The following PIAS2 variants were observed in gnomAD, a reference collection of about 807,000 sequenced individuals.
The protein encoded by PIAS2 is E3 SUMO-protein ligase PIAS2.
PIAS2 carries 19 observed loss-of-function variants against 69.7 expected under a neutral mutation model. The observed-to-expected ratio is 0.27, with a 90% confidence interval of 0.19 to 0.40. The LOEUF is 0.40. Ranked by LOEUF, PIAS2 falls within the 10% of genes least tolerant of loss-of-function variation. The pLI is 1.00. For synonymous variants in PIAS2, 261 were observed against 263.2 expected (o/e 0.99, Z 0.08); for missense variants, 624 against 757.0 (o/e 0.82, Z 2.06).
chr18:46,807,515 C>T lies in PIAS2; in HGVS notation c.*4918G>A, dbSNP rs972423651. 1.3e-5 allele frequency: 2 copies of T among 148,260 alleles called. No homozygotes were observed. The highest frequency in any genetic ancestry group is 5.0e-5 in the African/African-American group (2 of 39,830). The allele number at this position is 148,260 out of a possible 1,614,324, so 9.2% of individuals were successfully genotyped here. On this transcript the variant is annotated 3_prime_UTR_variant, in exon 14 of 14. Transcript: ENST00000585916. ...CAAGCGATTCTCCTGCCTCGGTCTC[C>T]CAAGTAGCTGGGACTACAGGCGCCT...
intron 9 of PIAS2, among the ~76,000 whole-genome samples, chr18:46,831,016 A>C (rs1172315893): frequency 6.6e-6 from 1 of 152,218 alleles, no homozygotes; most frequent in African/African-American, 2.4e-5. Flanking sequence ...TTTAATATCC[A>C]AAAGTCAATC....
At chr18:46,829,936 T>C (rs2043354773) in intron 9 of PIAS2, 69 bp from the exon 10 acceptor site, 1 of 1,367,386 alleles carries the variant, frequency 7.3e-7, no homozygotes, top group Admixed American at 2.1e-5. Context: ...AAGAAAGTAA[T>C]ACACATTACC....
chr18:46,894,482 G>A (rs896356609), intron 1 of PIAS2, among the ~76,000 whole-genome samples: 15 of 152,074 alleles, frequency 9.9e-5, no homozygotes, highest in Non-Finnish European at 1.6e-4. Context: ...ACTCCACTGC[G>A]CTAACTCTCA....
Position 46,917,403 on chromosome 18 carries a change from A to G in PIAS2, c.-58T>C, listed in dbSNP as rs2058103928. The G allele has an allele frequency of 1.4e-6, 2 of 1,421,988 alleles. No homozygotes were observed. Among genetic ancestry groups the G allele is most frequent in the Non-Finnish European group, 1.8e-6 (2 of 1,081,636 alleles). The allele number at this position is 1,421,988 out of a possible 1,614,324, so 88.1% of individuals were successfully genotyped here. On this transcript the variant is annotated 5_prime_UTR_variant, in exon 1 of 14. Coordinates refer to ENST00000585916, the MANE Select transcript of PIAS2 (RefSeq NM_004671.5). The stretch of plus-strand genomic sequence containing the variant: ...CGCCGCACCCACTCCCGCTGCCGCC[A>G]ACGACGCTGCCGCCACCACGGCCGC...
chr18:46,898,753 G>T lies in PIAS2; in HGVS notation c.25-7699C>A, dbSNP rs188088551. Among the ~76,000 whole-genome samples, 7 of 152,212 alleles carry T rather than the reference G, an allele frequency of 4.6e-5. No homozygotes were observed. In the South Asian group the frequency reaches 1.0e-3, roughly 23 times the overall value. ...TCACGCCTCTAATCTCAACACTTTGGGGGGCTGAGGCAGGTGGATCACCTG... is the reference window on the plus strand; with the variant it reads ...TCACGCCTCTAATCTCAACACTTTGTGGGGCTGAGGCAGGTGGATCACCTG... On this transcript the variant is annotated intron_variant, in intron 1 of 13. Transcript: ENST00000585916.
intron 5 of PIAS2, among the ~76,000 whole-genome samples, chr18:46,852,269 C>G (rs1345384397): frequency 6.6e-6 from 1 of 152,172 alleles, no homozygotes; most frequent in East Asian, 1.9e-4. Context: ...GTCAGCTGTT[C>G]TATAGGACTT....
At chr18:46,910,380 C>G (rs1176563137) in intron 1 of PIAS2, among the ~76,000 whole-genome samples, 1 of 152,042 alleles carries the variant, frequency 6.6e-6, no homozygotes, top group Non-Finnish European at 1.5e-5. Flanking sequence ...TTACATACGC[C>G]TTACCTGTTA....
chr18:46,825,083 C>T (rs1209440679), intron 11 of PIAS2, among the ~76,000 whole-genome samples: 2 of 151,952 alleles, frequency 1.3e-5, no homozygotes, highest in Non-Finnish European at 1.5e-5. Flanking sequence ...TTCTCATTCT[C>T]TGTTCTTTCT....
chr18:46,827,880 C>T (rs1472900162), intron 11 of PIAS2, 79 bp downstream of exon 11: 7 of 1,252,802 alleles, frequency 5.6e-6, no homozygotes, highest in Non-Finnish European at 7.8e-6. Flanking sequence ...TGCCATTTCC[C>T]AAAGAGACAT....
intron 2 of PIAS2, among the ~76,000 whole-genome samples, chr18:46,882,234 C>A (rs2145870338): frequency 6.6e-6 from 1 of 152,150 alleles, no homozygotes; most frequent in Non-Finnish European, 1.5e-5. Context: ...ATGTGCATAT[C>A]ATTTGAATAC....
upstream of PIAS2, chr18:46,917,542 A>G: frequency 8.8e-7 from 1 of 1,137,104 alleles, no homozygotes; most frequent in Non-Finnish European, 1.1e-6. Flanking sequence ...GACGCGCCGA[A>G]GCCCCGCCCC....
chr18:46,896,992 A>T (rs2054990802), intron 1 of PIAS2, among the ~76,000 whole-genome samples: 1 of 152,228 alleles, frequency 6.6e-6, no homozygotes, highest in Non-Finnish European at 1.5e-5. Context: ...CATATATGAC[A>T]AAAGACTGGA....
chr18:46,873,020 C>T (rs2050608365), intron 2 of PIAS2, among the ~76,000 whole-genome samples: 1 of 152,212 alleles, frequency 6.6e-6, no homozygotes, highest in Non-Finnish European at 1.5e-5. Flanking sequence ...GGGCCACTGA[C>T]AACCTGTGGC....
chr18:46,843,307 CA>C (rs1371529309), intron 8 of PIAS2, among the ~76,000 whole-genome samples: 1 of 152,202 alleles, frequency 6.6e-6, no homozygotes, highest in Admixed American at 6.5e-5. Flanking sequence ...GGGTAGTCAT[CA>C]AATACCCACA....
intron 5 of PIAS2, among the ~76,000 whole-genome samples, chr18:46,848,867 AAAC>A (rs1258985153): frequency 6.6e-6 from 1 of 151,914 alleles, no homozygotes; most frequent in Non-Finnish European, 1.5e-5. Flanking sequence ...AGAAAAAAAA[AAAC>A]AACTCCTAAG....
At chr18:46,919,505 C>T (rs1199455959), upstream of PIAS2, among the ~76,000 whole-genome samples, 3 of 150,984 alleles carry the variant, frequency 2.0e-5, no homozygotes, top group South Asian at 2.1e-4. Flanking sequence ...AAAAATTAGC[C>T]GGGTGTGGTG....
intron 11 of PIAS2, chr18:46,827,623 C>T (rs1398416754): frequency 5.3e-6 from 1 of 189,570 alleles, no homozygotes; most frequent in Non-Finnish European, 1.1e-5. Flanking sequence ...GGAATCCATA[C>T]TTGTCAGATT....
intron 5 of PIAS2, 122 bp downstream of exon 5, chr18:46,855,223 T>C (rs1324585205): frequency 4.9e-6 from 3 of 607,090 alleles, no homozygotes; most frequent in Non-Finnish European, 8.7e-6. Flanking sequence ...TGGAAAATAG[T>C]ATTTAATCTG....
chr18:46,821,024 C>T lies in PIAS2; in HGVS notation c.1557G>A (p.Ser519=), dbSNP rs770736563. Residue 519 remains serine, a synonymous_variant, in exon 12 of 14, where the codon TCG becomes TCA. Coordinates refer to ENST00000585916, the MANE Select transcript of PIAS2 (RefSeq NM_004671.5). ...PSSVRVPSVT[S]VDPAAIPPSL... ...AAGGCGGAATAGCAGCAGGATCAAC[C>T]GAAGTCACACTGGGCACCCTTACAG... 5.6e-6 allele frequency: 9 copies of T among 1,613,408 alleles called. No individual in the cohort carries two copies. The highest frequency in any genetic ancestry group is 1.7e-4 in the Middle Eastern group (1 of 6,056).
Sources: gnomAD v4.1 joint callset for allele counts (sites outside exome capture counted in the v4.1 genomes callset) on GRCh38, gnomAD v4.1.1 for gene constraint, MANE v1.5 for transcripts, NCBI Gene and HGNC (gene_info 2026-07-23, HGNC 2026-07-21) for gene names.